CACNG2: variants seen among roughly 807,000 people sequenced by gnomAD.
CACNG2 encodes the protein voltage-dependent calcium channel gamma-2 subunit.
A neutral mutation model predicts 25.9 loss-of-function variants in CACNG2; 3 were observed. That is an observed-to-expected ratio of 0.12 (90% confidence interval 0.05 to 0.30). CACNG2 has a LOEUF of 0.30. CACNG2 is among the 10% of genes least tolerant of loss of function. CACNG2 has a pLI of 1.00. For missense variants in CACNG2, 341 were observed against 432.5 expected, an observed-to-expected ratio of 0.79 and a Z score of 1.88; for synonymous variants, 167 against 173.3, an observed-to-expected ratio of 0.96 and a Z score of 0.29.
At chr22:36,589,732 A>G (rs559510286) in intron 1 of CACNG2, among the ~76,000 whole-genome samples, 1 of 151,812 alleles carries the variant, frequency 6.6e-6, no homozygotes, top group African/African-American at 2.4e-5. Context: ...CCCCACCCCC[A>G]TCGTGTCATG....
intron 1 of CACNG2, among the ~76,000 whole-genome samples, chr22:36,612,916 A>G (rs905400394): frequency 2.6e-5 from 4 of 152,316 alleles, no homozygotes; most frequent in African/African-American, 9.6e-5. Flanking sequence ...CTTTCCCGCT[A>G]ATGCTGTGAT....
chr22:36,590,586 G>A (rs1445628031), intron 1 of CACNG2, among the ~76,000 whole-genome samples: 2 of 151,998 alleles, frequency 1.3e-5, no homozygotes, highest in East Asian at 1.9e-4. Context: ...AGACAGCACC[G>A]CCCACTACCA....
rs974927706 is a variant in CACNG2 at position 36,703,736 on chromosome 22, A to C, written c.-1160T>G. ...CTCCTGGGCTCCCGGAGCTTAGAGG[A>C]AGGCGTAGCTAGAGATAGCTCGCGC... On this transcript the variant is annotated 5_prime_UTR_variant, in exon 1 of 4. Coordinates refer to ENST00000300105, the MANE Select transcript of CACNG2 (RefSeq NM_006078.5). Among the ~76,000 whole-genome samples, 4 of 125,604 alleles carry C rather than the reference A, an allele frequency of 3.2e-5. No individual in the cohort carries two copies. Among genetic ancestry groups the C allele is most frequent in the African/African-American group, 1.2e-4 (4 of 32,322 alleles). The allele number at this position is 125,604 out of a possible 152,430, so 82.4% of individuals were successfully genotyped here.
intron 1 of CACNG2, among the ~76,000 whole-genome samples, chr22:36,674,744 T>C (rs1936999675): frequency 1.3e-5 from 2 of 152,196 alleles, no homozygotes; most frequent in South Asian, 4.1e-4. Flanking sequence ...CCCAGGACCC[T>C]ATTCTTACCC....
intron 1 of CACNG2, among the ~76,000 whole-genome samples, chr22:36,640,928 C>T (rs531751840): frequency 6.6e-6 from 1 of 152,244 alleles, no homozygotes; most frequent in East Asian, 1.9e-4. Flanking sequence ...CCACGCTGTT[C>T]TCTCCCATCT....
At chr22:36,580,346 C>T (rs760538324) in intron 2 of CACNG2, among the ~76,000 whole-genome samples, 13 of 152,270 alleles carry the variant, frequency 8.5e-5, no homozygotes, top group Admixed American at 2.0e-4. Flanking sequence ...TTGGCTTCCC[C>T]CAGGCTGCCT....
chr22:36,632,458 C>A (rs924023961), intron 1 of CACNG2, among the ~76,000 whole-genome samples: 1 of 116,336 alleles, frequency 8.6e-6, no homozygotes, highest in Non-Finnish European at 1.8e-5. Context: ...CTAGGAGATT[C>A]TCTCTCCTCT....
intron 1 of CACNG2, among the ~76,000 whole-genome samples, chr22:36,640,462 C>T (rs758770946): frequency 6.6e-6 from 1 of 152,194 alleles, no homozygotes; most frequent in Admixed American, 6.5e-5. Flanking sequence ...TCACAGGAAG[C>T]TTGTGGCAGG....
At chr22:36,580,268 A>G (rs1935391138) in intron 2 of CACNG2, among the ~76,000 whole-genome samples, 1 of 151,852 alleles carries the variant, frequency 6.6e-6, no homozygotes, top group South Asian at 2.1e-4. Flanking sequence ...CACCCCCCAG[A>G]CGGCCATCGT....
intron 1 of CACNG2, among the ~76,000 whole-genome samples, chr22:36,676,969 T>TGTGTGTGTGTGTG (rs58195961): frequency 1.5e-4 from 23 of 151,064 alleles, no homozygotes; most frequent in South Asian, 4.2e-4. Flanking sequence ...TGTGTGTGTG[T>TGTGTGTGTGTGTG]TTTAAAAATC....
At chr22:36,650,321 C>T (rs1601436201) in intron 1 of CACNG2, among the ~76,000 whole-genome samples, 1 of 152,172 alleles carries the variant, frequency 6.6e-6, no homozygotes, top group East Asian at 1.9e-4. Context: ...TTATCTACTC[C>T]TTTCTGCTTG....
chr22:36,647,186 T>C (rs1000259430), intron 1 of CACNG2, among the ~76,000 whole-genome samples: 7 of 152,184 alleles, frequency 4.6e-5, no homozygotes, highest in African/African-American at 1.7e-4. Context: ...CCCATCCTGG[T>C]CCAGGCCATT....
chr22:36,688,014 T>C (rs1003440667), intron 1 of CACNG2, among the ~76,000 whole-genome samples: 3 of 152,134 alleles, frequency 2.0e-5, no homozygotes, highest in African/African-American at 7.2e-5. Context: ...AAGCACTAAG[T>C]TCGTGTAATT....
In CACNG2 at chr22:36,564,179, T is replaced by G. The variant is rs1470478118; in HGVS notation, c.*172A>C. ...TTTTTTAAAATTTACTTGTTATGTT[T>G]TTTCTCTTTTTTTGTGTGTGTGTGT... On this transcript the variant is annotated 3_prime_UTR_variant, in exon 4 of 4. Transcript: ENST00000300105. This position sits in a 1 kb window ranked among gnomAD's most constrained non-coding sequence, Gnocchi z 6.7. 1.1e-5 allele frequency: 6 copies of G among 532,510 alleles called. No individual in the cohort carries two copies. The highest frequency in any genetic ancestry group is 1.1e-4 in the Admixed American group (3 of 26,630). The allele number at this position is 532,510 out of a possible 1,614,324, so 33.0% of individuals were successfully genotyped here.
chr22:36,614,756 A>G (rs1935998647), intron 1 of CACNG2, among the ~76,000 whole-genome samples: 1 of 152,134 alleles, frequency 6.6e-6, no homozygotes, highest in Non-Finnish European at 1.5e-5. Flanking sequence ...GAGGGAAGAG[A>G]ACACACCTAT....
intron 1 of CACNG2, among the ~76,000 whole-genome samples, chr22:36,674,577 C>T (rs570596762): frequency 2.0e-5 from 3 of 152,354 alleles, no homozygotes; most frequent in South Asian, 4.1e-4. Flanking sequence ...GATCCACCTG[C>T]CTTAGCCTTC....
chr22:36,664,751 A>G (rs1333156270), intron 1 of CACNG2, among the ~76,000 whole-genome samples: 1 of 152,244 alleles, frequency 6.6e-6, no homozygotes, highest in African/African-American at 2.4e-5. Flanking sequence ...TGCTTGCTAG[A>G]CTGCAATGTA....
At chr22:36,701,586 G>T (rs1009406040) in intron 1 of CACNG2, among the ~76,000 whole-genome samples, 2 of 124,018 alleles carry the variant, frequency 1.6e-5, no homozygotes, top group African/African-American at 6.1e-5. Flanking sequence ...TTCTCAAGCC[G>T]GCTGCAATGC....
At chr22:36,675,124 C>T (rs1225507143) in intron 1 of CACNG2, among the ~76,000 whole-genome samples, 1 of 152,140 alleles carries the variant, frequency 6.6e-6, no homozygotes, top group Non-Finnish European at 1.5e-5. Flanking sequence ...GCAACCTCAA[C>T]CTCTCAGGCT....
Sources: allele counts gnomAD v4.1 joint callset (sites outside exome capture counted in the v4.1 genomes callset), GRCh38; gene constraint gnomAD v4.1.1; non-coding constraint Gnocchi (gnomAD v3.1); transcripts MANE v1.5; gene names NCBI Gene and HGNC (gene_info 2026-07-23, HGNC 2026-07-21).